The following HNF4A variants were observed in gnomAD, a reference collection of about 807,000 sequenced individuals.
HNF4A encodes hepatocyte nuclear factor 4-alpha.
A neutral mutation model predicts 52.4 loss-of-function variants in HNF4A; 15 were observed. The observed-to-expected ratio is 0.29, with a 90% CI of 0.19 to 0.44. The LOEUF (loss-of-function observed/expected upper bound fraction) is 0.44, where lower values mean the gene tolerates loss of function less well. HNF4A is among the 20% of genes least tolerant of loss of function. The pLI is 1.00. For missense variants in HNF4A, 479 were observed against 647.2 expected (o/e 0.74, Z 2.82); for synonymous variants, 280 against 264.4 (o/e 1.06, Z -0.57).
At position 44,414,380 on chromosome 20, in the gene HNF4A, G is replaced by C. The variant is rs2063630353; in HGVS notation, c.493-127G>C. The C allele has an allele frequency of 2.2e-6, 3 of 1,355,896 alleles. No homozygotes were observed. The Admixed American group carries it at 5.1e-5, about 23-fold the overall frequency. 84.0% of individuals were successfully genotyped at this position (1,355,896 alleles called of 1,614,324 possible). ...GTTTTTACCCTGAGCTTCCTTCAGA[G>C]CTGGAGGGCACCCACTATCCAGCCC... On this transcript the variant is annotated intron_variant, in intron 4 of 9. Coordinates refer to ENST00000316099, the MANE Select transcript of HNF4A (RefSeq NM_000457.6).
rs548326855 is a variant in HNF4A at position 44,363,989 on chromosome 20, C to T, written c.49+8136C>T. On this transcript the variant is annotated intron_variant, in intron 1 of 9. Transcript: ENST00000316673. ...ACAGGTGTAAGCCACAGCACCCAGCCTCCATTTCCTCTTTTGAGAAATGGA... is the reference window on the plus strand; with the variant it reads ...ACAGGTGTAAGCCACAGCACCCAGCTTCCATTTCCTCTTTTGAGAAATGGA... Among the ~76,000 whole-genome samples, 13 of 152,250 alleles carry T rather than the reference C, an allele frequency of 8.5e-5. No homozygotes were observed. In the South Asian group the frequency reaches 2.7e-3, roughly 32 times the overall value.
At chr20:44,371,956 C>A (rs1034976959) in intron 1 of HNF4A, among the ~76,000 whole-genome samples, 5 of 152,170 alleles carry the variant, frequency 3.3e-5, no homozygotes, top group African/African-American at 1.2e-4. Flanking sequence ...TTGCCGTAGT[C>A]CCCACTATTC....
At chr20:44,422,757 G>A (rs1032076935) in intron 7 of HNF4A, among the ~76,000 whole-genome samples, 2 of 151,198 alleles carry the variant, frequency 1.3e-5, no homozygotes, top group Admixed American at 6.6e-5. Flanking sequence ...TTGGCTCACT[G>A]CGACCTCCAC....
At chr20:44,364,881 C>T (rs776295874) in intron 1 of HNF4A, among the ~76,000 whole-genome samples, 11 of 152,188 alleles carry the variant, frequency 7.2e-5, no homozygotes, top group Admixed American at 2.6e-4. Context: ...CATCCAGGGA[C>T]CCCTAAGGTC....
At chr20:44,387,288 TAAAAAA>T (rs537843651) in intron 1 of HNF4A, among the ~76,000 whole-genome samples, 5 of 82,012 alleles carry the variant, frequency 6.1e-5, no homozygotes, top group Middle Eastern at 9.8e-3. Flanking sequence ...AACTTCATCT[TAAAAAA>T]AAAAAAAAAA....
At chr20:44,381,064 G>A (rs568527225) in intron 1 of HNF4A, among the ~76,000 whole-genome samples, 113 of 151,980 alleles carry the variant, frequency 7.4e-4, no homozygotes, top group African/African-American at 2.7e-3. Context: ...TAACCCACTG[G>A]AATCCTCTCA....
intron 1 of HNF4A, chr20:44,384,696 T>A (rs1198842498): frequency 6.6e-6 from 1 of 152,086 alleles, no homozygotes; most frequent in Non-Finnish European, 1.5e-5. Flanking sequence ...CATGGTCACA[T>A]CTCATTTCAA....
At chr20:44,386,939 A>T (rs577207405) in intron 1 of HNF4A, among the ~76,000 whole-genome samples, 1 of 152,192 alleles carries the variant, frequency 6.6e-6, no homozygotes, top group African/African-American at 2.4e-5. Flanking sequence ...TGAAGTTTAC[A>T]TCACTATCAG....
exon 1 of HNF4A, chr20:44,355,819 C>T (rs772641374): frequency 2.5e-6 from 4 of 1,613,732 alleles, no homozygotes; most frequent in Non-Finnish European, 2.5e-6. Flanking sequence ...TCAGCGTGAA[C>T]GCGCCCCTCG....
chr20:44,370,685 A>T (rs1212925146), intron 1 of HNF4A, among the ~76,000 whole-genome samples: 1 of 152,190 alleles, frequency 6.6e-6, no homozygotes, highest in Admixed American at 6.5e-5. Flanking sequence ...ACAGTGCTTG[A>T]CACACAGTAG....
At chr20:44,427,184 A>C (rs1328317972) in intron 8 of HNF4A, among the ~76,000 whole-genome samples, 1 of 152,238 alleles carries the variant, frequency 6.6e-6, no homozygotes, top group East Asian at 1.9e-4. Flanking sequence ...CTGATGGGCC[A>C]AAATCATCCC....
chr20:44,407,594 G>T, intron 3 of HNF4A, 119 bp downstream of exon 3: 1 of 760,504 alleles, frequency 1.3e-6, no homozygotes, highest in Non-Finnish European at 2.3e-6. Flanking sequence ...AGGGTGACTG[G>T]CTAATGGCTG....
chr20:44,400,330 A>G (rs1459725204), upstream of HNF4A, among the ~76,000 whole-genome samples: 1 of 149,200 alleles, frequency 6.7e-6, no homozygotes, highest in Non-Finnish European at 1.5e-5. Flanking sequence ...GGGGGATACG[A>G]AACAGGGAGA....
intron 1 of HNF4A, among the ~76,000 whole-genome samples, chr20:44,375,275 A>C (rs1355283109): frequency 6.6e-6 from 1 of 151,394 alleles, no homozygotes. Flanking sequence ...TGTAGGTTCT[A>C]GCTCCTTGTA....
chr20:44,397,909 G>A (rs1034780268), upstream of HNF4A, among the ~76,000 whole-genome samples: 6 of 152,182 alleles, frequency 3.9e-5, no homozygotes, highest in Admixed American at 2.6e-4. Context: ...TTACAGGTGT[G>A]AGCCCCTGTG....
intron 1 of HNF4A, among the ~76,000 whole-genome samples, chr20:44,367,971 C>T (rs896341113): frequency 8.7e-5 from 13 of 149,814 alleles, no homozygotes; most frequent in African/African-American, 2.9e-4. Flanking sequence ...CTTATCAACC[C>T]AAAACACGAG....
At chr20:44,372,687 G>T (rs1015119385) in intron 1 of HNF4A, 1 of 152,092 alleles carries the variant, frequency 6.6e-6, no homozygotes, top group African/African-American at 2.4e-5. Flanking sequence ...CTTCTCCAGG[G>T]CAAGTCATAT....
At chr20:44,368,650 C>A (rs1382573613) in intron 1 of HNF4A, among the ~76,000 whole-genome samples, 2 of 152,086 alleles carry the variant, frequency 1.3e-5, no homozygotes, top group African/African-American at 4.8e-5. Flanking sequence ...GCAAAAAGTT[C>A]CTTGAATGTA....
At chr20:44,358,798 A>G (rs1207021623) in intron 1 of HNF4A, among the ~76,000 whole-genome samples, 1 of 152,122 alleles carries the variant, frequency 6.6e-6, no homozygotes, top group Non-Finnish European at 1.5e-5. Context: ...GTGAGGATCA[A>G]ATGGAAGGAT....
Sources: gnomAD v4.1 joint callset for allele counts (sites outside exome capture counted in the v4.1 genomes callset) on GRCh38, gnomAD v4.1.1 for gene constraint, MANE v1.5 for transcripts, NCBI Gene and HGNC (gene_info 2026-07-23, HGNC 2026-07-21) for gene names.